The following CEP120 variants were observed in gnomAD, a reference collection of about 807,000 sequenced individuals.
The protein encoded by CEP120 is centrosomal protein of 120 kDa.
A neutral mutation model predicts 126.5 loss-of-function variants in CEP120; 113 were observed. The observed-to-expected ratio is 0.89, with a 90% CI of 0.77 to 1.04. CEP120 has a LOEUF of 1.04. CEP120 is among the 50% of genes least tolerant of loss of function. The pLI is 0.00. For missense variants in CEP120, 1,230 were observed against 1,155.7 expected (o/e 1.06, Z -0.93); for synonymous variants, 400 against 394.3 (o/e 1.01, Z -0.17).
chr5:123,365,080 GA>G (rs1256891988), intron 17 of CEP120, among the ~76,000 whole-genome samples: 8 of 151,482 alleles, frequency 5.3e-5, no homozygotes, highest in Non-Finnish European at 1.2e-4. Context: ...ATGAAACTCT[GA>G]AAACACTGAA....
intron 18 of CEP120, among the ~76,000 whole-genome samples, chr5:123,361,993 T>C (rs983963965): frequency 6.6e-6 from 1 of 151,734 alleles, no homozygotes; most frequent in Non-Finnish European, 1.5e-5. Flanking sequence ...TTAACTACTA[T>C]TTATGCTGCT....
intron 3 of CEP120, 70 bp downstream of exon 3, chr5:123,415,940 C>T: frequency 2.0e-6 from 2 of 998,260 alleles, no homozygotes; most frequent in Non-Finnish European, 3.1e-6. Flanking sequence ...TCCTTTTCAT[C>T]AATCTGTTAT....
intron 4 of CEP120, among the ~76,000 whole-genome samples, chr5:123,409,866 A>C (rs1773920341): frequency 6.6e-6 from 1 of 151,564 alleles, no homozygotes; most frequent in African/African-American, 2.4e-5. Flanking sequence ...CTGAGGCAGG[A>C]GAATCGCTTG....
intron 14 of CEP120, among the ~76,000 whole-genome samples, chr5:123,381,694 C>A (rs916605493): frequency 2.6e-5 from 4 of 151,716 alleles, no homozygotes; most frequent in African/African-American, 9.7e-5. Context: ...TTGAAATGTG[C>A]TTTTATTTCT....
intron 4 of CEP120, chr5:123,401,005 T>C (rs1266043713): frequency 6.4e-7 from 1 of 1,558,034 alleles, no homozygotes; most frequent in Non-Finnish European, 8.7e-7. Flanking sequence ...GAGTAGCTGG[T>C]GCGGCTGAAG....
intron 4 of CEP120, among the ~76,000 whole-genome samples, chr5:123,409,723 C>T (rs946878128): frequency 5.3e-5 from 8 of 151,914 alleles, no homozygotes; most frequent in Admixed American, 2.6e-4. Flanking sequence ...TTTGGGAGGC[C>T]GAGGCAGGCG....
chr5:123,402,265 T>C, intron 4 of CEP120: 5 of 1,493,426 alleles, frequency 3.3e-6, no homozygotes, highest in Non-Finnish European at 2.7e-6. Flanking sequence ...CCGGGCCCAC[T>C]TGTGTAGGAG....
intron 2 of CEP120, among the ~76,000 whole-genome samples, chr5:123,417,450 C>T (rs1774459265): frequency 6.6e-6 from 1 of 151,842 alleles, no homozygotes; most frequent in Admixed American, 6.6e-5. Context: ...TCAGAGTTCA[C>T]AAAAAATATA....
intron 17 of CEP120, among the ~76,000 whole-genome samples, chr5:123,370,716 C>T (rs1252096768): frequency 2.0e-5 from 3 of 147,220 alleles, no homozygotes; most frequent in Non-Finnish European, 3.0e-5. Context: ...TACCTATATA[C>T]ATACATACAC....
chr5:123,403,457 T>C (rs1341070453), intron 4 of CEP120: 3 of 359,662 alleles, frequency 8.3e-6, no homozygotes, highest in East Asian at 7.9e-5. Context: ...TAGTTAAATA[T>C]TGTAAAACAC....
At chr5:123,404,583 A>C (rs2127106051) in intron 4 of CEP120, among the ~76,000 whole-genome samples, 1 of 152,358 alleles carries the variant, frequency 6.6e-6, no homozygotes, top group Admixed American at 6.5e-5. Context: ...GAAGTTAAGA[A>C]GTACTGGTAA....
At chr5:123,388,296 A>T (rs1772157984) in intron 9 of CEP120, 136 bp downstream of exon 9, 2 of 507,532 alleles carry the variant, frequency 3.9e-6, no homozygotes, top group East Asian at 6.6e-5. Context: ...ATTAGGATAT[A>T]GCCTTACCCC....
intron 17 of CEP120, among the ~76,000 whole-genome samples, chr5:123,370,089 G>A (rs1407410169): frequency 6.6e-6 from 1 of 152,126 alleles, no homozygotes; most frequent in South Asian, 2.1e-4. Flanking sequence ...TGTTTACTCA[G>A]TGCTATAAGG....
At chr5:123,371,931 A>T (rs1268501490) in intron 17 of CEP120, among the ~76,000 whole-genome samples, 1 of 152,096 alleles carries the variant, frequency 6.6e-6, no homozygotes, top group African/African-American at 2.4e-5. Context: ...TATTTTTTTA[A>T]TCATGCCTAA....
chr5:123,381,574 CTCA>C (rs1167780987), intron 14 of CEP120, among the ~76,000 whole-genome samples: 1 of 151,984 alleles, frequency 6.6e-6, no homozygotes, highest in African/African-American at 2.4e-5. Context: ...ATCAGATGGT[CTCA>C]TGTTATCATT....
intron 18 of CEP120, among the ~76,000 whole-genome samples, chr5:123,361,574 T>A (rs951290190): frequency 6.6e-6 from 1 of 151,868 alleles, no homozygotes; most frequent in African/African-American, 2.4e-5. Flanking sequence ...AGCCCTTACA[T>A]ACTTTTTGCT....
intron 4 of CEP120, among the ~76,000 whole-genome samples, chr5:123,412,181 G>T (rs982944217): frequency 6.6e-6 from 1 of 152,122 alleles, no homozygotes; most frequent in Non-Finnish European, 1.5e-5. Flanking sequence ...ATTGTGCTTT[G>T]TTCTATTACA....
intron 10 of CEP120, among the ~76,000 whole-genome samples, 196 bp from the exon 11 acceptor site, chr5:123,385,329 C>G (rs1413090538): frequency 6.6e-6 from 1 of 152,108 alleles, no homozygotes. Context: ...AATGATGAAC[C>G]TCACATACAA....
chr5:123,361,609 C>G (rs1770080781), intron 18 of CEP120, among the ~76,000 whole-genome samples: 1 of 151,792 alleles, frequency 6.6e-6, no homozygotes, highest in South Asian at 2.1e-4. Context: ...TACAGAACGT[C>G]TATCACTGCA....
Sources: allele counts gnomAD v4.1 joint callset (sites outside exome capture counted in the v4.1 genomes callset), GRCh38; gene constraint gnomAD v4.1.1; transcripts MANE v1.5; gene names NCBI Gene and HGNC (gene_info 2026-07-23, HGNC 2026-07-21).